The following LRFN5 variants were observed in gnomAD, a reference collection of about 807,000 sequenced individuals.
The protein encoded by LRFN5 is leucine-rich repeat and fibronectin type-III domain-containing protein 5.
In LRFN5, 24 loss-of-function variants were observed where a neutral mutation model predicts 45.6. That is an observed-to-expected ratio of 0.53 (90% CI 0.38 to 0.74). The LOEUF is 0.74. Among genes scored for constraint, LRFN5 ranks in the 30% least tolerant of loss-of-function variants. The pLI is 0.00. For missense variants in LRFN5, 776 were observed against 861.5 expected (o/e 0.90, Z 1.24); for synonymous variants, 340 against 313.8 (o/e 1.08, Z -0.88).
intron 1 of LRFN5, among the ~76,000 whole-genome samples, chr14:41,672,189 A>G (rs537944106): frequency 1.5e-4 from 23 of 152,330 alleles, no homozygotes; most frequent in Non-Finnish European, 2.6e-4. Context: ...TTAGGATAAC[A>G]CATGTAACAT....
intron 2 of LRFN5, among the ~76,000 whole-genome samples, chr14:41,823,902 A>G (rs1404416932): frequency 2.0e-5 from 3 of 152,168 alleles, no homozygotes; most frequent in African/African-American, 4.8e-5. Context: ...AACTGAATTA[A>G]TTCAAAAGAC....
intron 1 of LRFN5, among the ~76,000 whole-genome samples, chr14:41,746,599 T>C (rs60081458): frequency 0.17 from 25,129 of 151,890 alleles, 2,155 homozygotes; most frequent in Admixed American, 0.19. Context: ...CTATACCTCT[T>C]TGCCAGTTAT....
chr14:41,822,639 C>G (rs1888151450), intron 2 of LRFN5, among the ~76,000 whole-genome samples: 1 of 151,926 alleles, frequency 6.6e-6, no homozygotes, highest in African/African-American at 2.4e-5. Context: ...GAACAATGTT[C>G]TGTAAATGTC....
At chr14:41,628,369 A>G (rs1888413896) in intron 1 of LRFN5, among the ~76,000 whole-genome samples, 1 of 152,108 alleles carries the variant, frequency 6.6e-6, no homozygotes, top group Admixed American at 6.6e-5. Flanking sequence ...ATTTATTGCT[A>G]AACGTCTTCC....
chr14:41,777,347 A>G (rs1886329209), intron 2 of LRFN5, among the ~76,000 whole-genome samples: 1 of 151,668 alleles, frequency 6.6e-6, no homozygotes, highest in South Asian at 2.1e-4. Context: ...TAGGTCCTAT[A>G]CTACATTTTT....
intron 2 of LRFN5, among the ~76,000 whole-genome samples, chr14:41,798,272 T>C (rs1170623411): frequency 6.6e-6 from 1 of 151,976 alleles, no homozygotes; most frequent in African/African-American, 2.4e-5. Flanking sequence ...CTTCTGAAAA[T>C]ATTCTTACTT....
intron 1 of LRFN5, among the ~76,000 whole-genome samples, chr14:41,704,489 G>A (rs1045535345): frequency 8.0e-6 from 1 of 125,526 alleles, no homozygotes; most frequent in African/African-American, 3.7e-5. Flanking sequence ...TCACTATGTT[G>A]CCCAGGCTGC....
At chr14:41,721,987 G>T (rs1387494959) in intron 1 of LRFN5, among the ~76,000 whole-genome samples, 4 of 151,796 alleles carry the variant, frequency 2.6e-5, no homozygotes, top group African/African-American at 9.7e-5. Flanking sequence ...TTTTTTTGTT[G>T]ATTCCAAAAA....
chr14:41,768,994 T>A (rs1310545996), intron 2 of LRFN5, among the ~76,000 whole-genome samples: 1 of 152,112 alleles, frequency 6.6e-6, no homozygotes, highest in Non-Finnish European at 1.5e-5. Context: ...TAGCAGTCCA[T>A]TAGCGTGTAG....
chr14:41,711,889 T>G (rs1883299584), intron 1 of LRFN5, among the ~76,000 whole-genome samples: 1 of 152,216 alleles, frequency 6.6e-6, no homozygotes, highest in Non-Finnish European at 1.5e-5. Context: ...TGCATGTGTA[T>G]GCACACATAT....
intron 2 of LRFN5, among the ~76,000 whole-genome samples, chr14:41,824,160 G>T (rs1476869596): frequency 6.6e-6 from 1 of 151,938 alleles, no homozygotes; most frequent in Non-Finnish European, 1.5e-5. Flanking sequence ...TATTTATTTG[G>T]CATTTCAGAA....
intron 2 of LRFN5, among the ~76,000 whole-genome samples, chr14:41,818,566 A>G (rs1261296994): frequency 6.6e-6 from 1 of 151,984 alleles, no homozygotes; most frequent in East Asian, 1.9e-4. Flanking sequence ...ATATGCCATC[A>G]CATTTCCAAT....
chr14:41,661,198 C>T (rs1880637182), intron 1 of LRFN5, among the ~76,000 whole-genome samples: 1 of 151,722 alleles, frequency 6.6e-6, no homozygotes, highest in Non-Finnish European at 1.5e-5. Context: ...AAAATCTCAT[C>T]TTATTGAAAT....
Position 41,772,211 on chromosome 14 carries a change from G to A in LRFN5, c.-21+5182G>A, listed in dbSNP as rs182636071. The stretch of plus-strand genomic sequence containing the variant: ...CCAAGGAGATAGCACTAAGTCATTC[G>A]TGAGAAATCCACCCTCATGATCCAA... On this transcript the variant is annotated intron_variant, in intron 2 of 5. Transcript: ENST00000298119. Among the ~76,000 whole-genome samples the A allele has an allele frequency of 2.4e-4, 37 of 152,256 alleles. No individual in the cohort carries two copies. In the East Asian group the frequency reaches 6.8e-3, roughly 28 times the overall value.
chr14:41,731,800 A>G (rs2138794968), intron 1 of LRFN5: 1 of 152,300 alleles, frequency 6.6e-6, no homozygotes, highest in East Asian at 1.9e-4. Flanking sequence ...CATGATAAGG[A>G]GTTAGCTAGG....
At chr14:41,857,271 G>A (rs1487197499) in intron 2 of LRFN5, among the ~76,000 whole-genome samples, 4 of 152,092 alleles carry the variant, frequency 2.6e-5, no homozygotes, top group Non-Finnish European at 5.9e-5. Flanking sequence ...TTCAGTGGTA[G>A]AGCCATGCTT....
chr14:41,661,427 G>A (rs921193143), intron 1 of LRFN5, among the ~76,000 whole-genome samples: 1 of 151,904 alleles, frequency 6.6e-6, no homozygotes, highest in African/African-American at 2.4e-5. Flanking sequence ...AACCCTCAAG[G>A]GTGATTTGAA....
In LRFN5 at chr14:41,888,003, G is replaced by C. The variant is rs1410359379; in HGVS notation, c.1378G>C (p.Val460Leu). The stretch of plus-strand genomic sequence containing the variant: ...CAATGGTACTTATGATGACACCCTT[G>C]TTTACAGGTAAGAAAAATTGAGCAA... ...QYNGTYDDTL[V>L]YRMIPPTSKT... is the part of the protein sequence containing the mutation. Residue 460 changes from valine to leucine, a missense_variant, in exon 3 of 6, where the codon GTT (valine) becomes CTT (leucine). Coordinates refer to ENST00000298119, the MANE Select transcript of LRFN5 (RefSeq NM_152447.5). 1 of 1,586,478 alleles carries C rather than the reference G, an allele frequency of 6.3e-7. No individual in the cohort carries two copies. The highest frequency in any genetic ancestry group is 8.6e-7 in the Non-Finnish European group (1 of 1,166,764).
intron 2 of LRFN5, among the ~76,000 whole-genome samples, chr14:41,816,724 T>C (rs1887931630): frequency 6.6e-6 from 1 of 152,112 alleles, no homozygotes; most frequent in Non-Finnish European, 1.5e-5. Flanking sequence ...ATTCTGTAGC[T>C]TGAAAATGAT....
Sources: allele counts gnomAD v4.1 joint callset (sites outside exome capture counted in the v4.1 genomes callset), GRCh38; gene constraint gnomAD v4.1.1; transcripts MANE v1.5; gene names NCBI Gene and HGNC (gene_info 2026-07-23, HGNC 2026-07-21).